UGGT2: variants seen among roughly 807,000 people sequenced by gnomAD.
UGGT2 encodes UDP-glucose glycoprotein glucosyltransferase 2.
A neutral mutation model predicts 192.1 loss-of-function variants in UGGT2; 180 were observed. That is an observed-to-expected ratio of 0.94 (90% confidence interval 0.83 to 1.06). The LOEUF is 1.06. Ranked by LOEUF, UGGT2 falls within the 50% of genes least tolerant of loss-of-function variation. UGGT2 has a pLI of 0.00. For missense variants in UGGT2, 1,849 were observed against 1,795.7 expected (o/e 1.03, Z -0.54); for synonymous variants, 580 against 591.0 (o/e 0.98, Z 0.27).
At chr13:95,968,376 T>C (rs1024844662) in intron 12 of UGGT2, among the ~76,000 whole-genome samples, 1 of 152,210 alleles carries the variant, frequency 6.6e-6, no homozygotes, top group Admixed American at 6.5e-5. Flanking sequence ...TTAATAGTTC[T>C]GACATATAAT....
At chr13:95,856,448 C>A in intron 33 of UGGT2, 108 bp from the exon 34 acceptor site, 1 of 1,129,570 alleles carries the variant, frequency 8.9e-7, no homozygotes, top group South Asian at 1.6e-5. Flanking sequence ...TTGTTATAAA[C>A]TAATAGGCAA....
intron 38 of UGGT2, among the ~76,000 whole-genome samples, chr13:95,810,782 A>G (rs1302650289): frequency 6.6e-6 from 1 of 152,244 alleles, no homozygotes; most frequent in Non-Finnish European, 1.5e-5. Flanking sequence ...TCAAAAATAT[A>G]AACATTTGTA....
At chr13:95,813,941 G>C (rs1884694063) in intron 38 of UGGT2, among the ~76,000 whole-genome samples, 1 of 152,214 alleles carries the variant, frequency 6.6e-6, no homozygotes, top group African/African-American at 2.4e-5. Context: ...CAAGCCATTA[G>C]CCTCAGTGGC....
At chr13:95,975,335 T>C (rs745705727) in intron 10 of UGGT2, among the ~76,000 whole-genome samples, 9 of 152,058 alleles carry the variant, frequency 5.9e-5, no homozygotes, top group East Asian at 3.9e-4. Context: ...GCTACACTTA[T>C]GGTGAAAAGG....
At chr13:95,850,510 T>A (rs1423191624) in intron 36 of UGGT2, among the ~76,000 whole-genome samples, 1 of 152,202 alleles carries the variant, frequency 6.6e-6, no homozygotes, top group Non-Finnish European at 1.5e-5. Context: ...TGTGGAAGTC[T>A]GCTAGCCTTG....
At chr13:95,988,313 A>T (rs1219803726) in intron 8 of UGGT2, among the ~76,000 whole-genome samples, 1 of 152,114 alleles carries the variant, frequency 6.6e-6, no homozygotes, top group Non-Finnish European at 1.5e-5. Context: ...CAAGTGATAA[A>T]GCCTGGCTGA....
chr13:95,999,947 C>T (rs968829599), intron 5 of UGGT2, among the ~76,000 whole-genome samples: 1 of 152,170 alleles, frequency 6.6e-6, no homozygotes, highest in Non-Finnish European at 1.5e-5. Context: ...TTATTTTATT[C>T]TTTCTACAAA....
chr13:95,841,442 C>T (rs571462367), intron 36 of UGGT2, among the ~76,000 whole-genome samples: 102 of 152,198 alleles, frequency 6.7e-4, no homozygotes, highest in African/African-American at 2.3e-3. Context: ...CATGCAGTTT[C>T]GGGAGGAACA....
chr13:96,039,654 C>G (rs970829548), intron 1 of UGGT2, among the ~76,000 whole-genome samples: 9 of 152,134 alleles, frequency 5.9e-5, no homozygotes, highest in African/African-American at 1.9e-4. Flanking sequence ...TTAAATTTAT[C>G]TCTTTCTTCT....
chr13:95,810,176 C>T (rs1409366155), intron 38 of UGGT2, among the ~76,000 whole-genome samples: 1 of 152,106 alleles, frequency 6.6e-6, no homozygotes, highest in African/African-American at 2.4e-5. Flanking sequence ...TTCTTGGGAG[C>T]ACTTCCGGCA....
intron 38 of UGGT2, 91 bp from the exon 39 acceptor site, chr13:95,801,903 C>T: frequency 6.9e-7 from 1 of 1,458,490 alleles, no homozygotes; most frequent in Non-Finnish European, 9.5e-7. Context: ...AGCACCGGTA[C>T]TGACTGAGGA....
chr13:95,974,172 G>C (rs1307207638), intron 10 of UGGT2, among the ~76,000 whole-genome samples: 2 of 152,184 alleles, frequency 1.3e-5, no homozygotes, highest in Non-Finnish European at 2.9e-5. Flanking sequence ...GTTTTATACA[G>C]AATACTGGCA....
rs1485837570 is a variant in UGGT2 at position 95,854,360 on chromosome 13, G to C, written c.4124C>G (p.Thr1375Arg). The change falls in exon 35 of 39, where the codon ACA becomes AGA. Residue 1375 changes from threonine (T) to arginine (R), a missense_variant. Physicochemically the swap from Thr to Arg is moderately conservative, Grantham distance 71. Transcript: ENST00000376747. Reference sequence around the variant, plus strand: ...TAAAAGATGTGATGCCCAGTATCCTGTTTTCCAGAAACGATATCCATCCAT... The same window carrying C: ...TAAAAGATGTGATGCCCAGTATCCTCTTTTCCAGAAACGATATCCATCCAT... ...REMDGYRFWK[T>R]GYWASHLLRR... 1.2e-6 allele frequency: 2 copies of C among 1,613,628 alleles called. No individual in the cohort carries two copies. The highest frequency in any genetic ancestry group is 2.7e-5 in the African/African-American group (2 of 74,898).
intron 36 of UGGT2, among the ~76,000 whole-genome samples, chr13:95,842,234 C>T (rs1176436044): frequency 6.6e-6 from 1 of 152,084 alleles, no homozygotes; most frequent in East Asian, 1.9e-4. Flanking sequence ...GCATGAACTG[C>T]TTTTTTCACC....
chr13:95,985,846 A>G (rs1012938502), intron 9 of UGGT2, among the ~76,000 whole-genome samples: 1 of 152,154 alleles, frequency 6.6e-6, no homozygotes, highest in Non-Finnish European at 1.5e-5. Context: ...GAAGCAGTTC[A>G]ACGAGACATC....
At chr13:95,904,603 TG>T (rs2048221985) in intron 20 of UGGT2, among the ~76,000 whole-genome samples, 1 of 152,068 alleles carries the variant, frequency 6.6e-6, no homozygotes, top group Non-Finnish European at 1.5e-5. Flanking sequence ...ATTTCATCCA[TG>T]TCCCTACAAA....
chr13:95,983,752 G>C (rs2051202056), intron 10 of UGGT2, 52 bp downstream of exon 10: 2 of 1,307,202 alleles, frequency 1.5e-6, no homozygotes, highest in Admixed American at 4.9e-5. Flanking sequence ...TCCAAAGTCA[G>C]AAACAGTGAT....
chr13:95,907,601 GC>G (rs1163937103), intron 20 of UGGT2, among the ~76,000 whole-genome samples: 4 of 152,254 alleles, frequency 2.6e-5, no homozygotes, highest in Admixed American at 6.5e-5. Context: ...TGATACCCAG[GC>G]AAAAAGGATT....
At chr13:95,823,652 A>G (rs1008598955) in intron 38 of UGGT2, among the ~76,000 whole-genome samples, 2 of 151,878 alleles carry the variant, frequency 1.3e-5, no homozygotes, top group Non-Finnish European at 2.9e-5. Context: ...GTGAATTCTT[A>G]TATGTTAGTT....
Sources: allele counts gnomAD v4.1 joint callset (sites outside exome capture counted in the v4.1 genomes callset), GRCh38; gene constraint gnomAD v4.1.1; transcripts MANE v1.5; gene names NCBI Gene and HGNC (gene_info 2026-07-23, HGNC 2026-07-21).